ABTB1: variants seen among roughly 807,000 people sequenced by gnomAD.
ABTB1 encodes ankyrin repeat and BTB/POZ domain-containing protein 1.
Under a neutral mutation model 57.1 loss-of-function variants are expected in ABTB1, and 45 were observed. That is an observed-to-expected ratio of 0.79 (90% CI 0.62 to 1.01). The LOEUF is 1.01. Ranked by LOEUF, ABTB1 falls within the 50% of genes least tolerant of loss-of-function variation. The pLI is 0.00. For synonymous variants in ABTB1, 302 were observed against 275.4 expected, an observed-to-expected ratio of 1.10 and a Z score of -0.95; for missense variants, 630 against 666.3, an observed-to-expected ratio of 0.95 and a Z score of 0.60.
intron 3 of ABTB1, chr3:127,675,747 T>G (rs1296786722): frequency 3.3e-6 from 2 of 601,272 alleles, no homozygotes; most frequent in Non-Finnish European, 5.8e-6. Context: ...TTGTCTGTCT[T>G]CCGTGTGAGT....
chr3:127,675,859 A>G (rs769188733), intron 3 of ABTB1, 111 bp from the exon 4 acceptor site: 109 of 1,429,850 alleles, frequency 7.6e-5, no homozygotes, highest in Non-Finnish European at 9.2e-5. Flanking sequence ...TTGGGAAGGC[A>G]TCGCCAGAGA....
chr3:127,677,648 C>T, intron 9 of ABTB1, 28 bp from the exon 10 acceptor site: 1 of 1,612,330 alleles, frequency 6.2e-7, no homozygotes, highest in Non-Finnish European at 8.5e-7. Context: ...CCCTGGCCCT[C>T]ACACTTCCTG....
In ABTB1 at chr3:127,676,724, G is replaced by C. The variant is rs2074992099; in HGVS notation, c.526+143G>C. ...GTGGTTCCAGCTGCCTCTCGGGTTG[G>C]GTTGCAAGAGAGAGGACTAGTGTGC... On this transcript the variant is annotated intron_variant, in intron 6 of 11. Coordinates refer to ENST00000232744, the MANE Select transcript of ABTB1 (RefSeq NM_172027.3). This position sits in a 1 kb window ranked among gnomAD's most constrained non-coding sequence, Gnocchi z 5.4. 3.6e-6 allele frequency: 4 copies of C among 1,109,402 alleles called. No individual in the cohort carries two copies. Among genetic ancestry groups the C allele is most frequent in the Non-Finnish European group, 5.2e-6 (4 of 768,914 alleles). 68.7% of individuals were successfully genotyped at this position (1,109,402 alleles called of 1,614,324 possible).
rs572073537 is a variant in ABTB1 at position 127,680,622 on chromosome 3, A to G, written c.*147A>G. 4.4e-5 allele frequency: 45 copies of G among 1,021,100 alleles called. No individual in the cohort carries two copies. Among genetic ancestry groups the G allele is most frequent in the Middle Eastern group, 2.0e-4 (1 of 4,904 alleles). 63.3% of individuals were successfully genotyped at this position (1,021,100 alleles called of 1,614,324 possible). ...GCTCAGTGGGGCTTCTCTTCCCTCC[A>G]TGAGCCTGGAGACCCCAGGGGAGGA... is the stretch of plus-strand genomic sequence containing the variant. On this transcript the variant is annotated 3_prime_UTR_variant, in exon 12 of 12. Transcript: ENST00000232744.
chr3:127,677,153 G>T lies in ABTB1; in HGVS notation c.644-15G>T, dbSNP rs955349486. On this transcript the variant is annotated splice_polypyrimidine_tract_variant and intron_variant, in intron 7 of 11. Transcript: ENST00000232744. The stretch of plus-strand genomic sequence containing the variant: ...AGGGCTGGCCTGGCTCCCTGAAGTT[G>T]TTCTTCCCCTGTAGTGGCGTCTAAG... The T allele has an allele frequency of 1.2e-6, 2 of 1,613,414 alleles. No individual in the cohort carries two copies. The highest frequency in any genetic ancestry group is 2.2e-5 in the East Asian group (1 of 44,870).
Position 127,680,544 on chromosome 3 carries a change from C to A in ABTB1, c.*69C>A. ...ACAAGCATGTGTATGCGTTTGTGTG[C>A]AGCTCTTCTTCCTGCTCCCTGCACA... On this transcript the variant is annotated 3_prime_UTR_variant, in exon 12 of 12. Coordinates refer to ENST00000232744, the MANE Select transcript of ABTB1 (RefSeq NM_172027.3). The A allele has an allele frequency of 6.4e-7, 1 of 1,558,716 alleles. No homozygotes were observed. The highest frequency in any genetic ancestry group is 8.7e-7 in the Non-Finnish European group (1 of 1,144,828).
At position 127,676,538 on chromosome 3, in the gene ABTB1, C is replaced by G. The variant is rs530785014; in HGVS notation, c.483C>G (p.Ile161Met). The change falls in exon 6 of 12, where the codon ATC (isoleucine) becomes ATG (methionine). Residue 161 changes from isoleucine (I) to methionine (M), a missense_variant and splice_region_variant. By Grantham distance (10) the Ile-to-Met change is conservative (BLOSUM62 1). Coordinates refer to ENST00000232744, the MANE Select transcript of ABTB1 (RefSeq NM_172027.3). The surrounding 1 kb of genome is among the most constrained non-coding windows in gnomAD (Gnocchi z 5.4). ...KSVVVLRHPL[I>M]NPVAFGALLQ... ...ACTTTCTGGTTTTCTGCCCACAGATCAACCCCGTGGCCTTTGGGGCCCTGC... is the reference window on the plus strand; with the variant it reads ...ACTTTCTGGTTTTCTGCCCACAGATGAACCCCGTGGCCTTTGGGGCCCTGC... 2.5e-6 allele frequency: 4 copies of G among 1,614,038 alleles called. No homozygotes were observed. Among genetic ancestry groups the G allele is most frequent in the Non-Finnish European group, 3.4e-6 (4 of 1,180,022 alleles).
At position 127,677,251 on chromosome 3, in the gene ABTB1, C is replaced by G. The variant is rs1247594478; in HGVS notation, c.727C>G (p.Leu243Val). 1 of 1,596,470 alleles carries G rather than the reference C, an allele frequency of 6.3e-7. No individual in the cohort carries two copies. The highest frequency in any genetic ancestry group is 2.3e-5 in the East Asian group (1 of 44,196). Residue 243 changes from leucine (L) to valine (V), a missense_variant, in exon 8 of 12, where the codon CTG becomes GTG. Physicochemically the swap from Leu to Val is conservative, Grantham distance 32 (BLOSUM62 1). Coordinates refer to ENST00000232744, the MANE Select transcript of ABTB1 (RefSeq NM_172027.3). ...ADPRLREDMA[L>V]LADCALPPEL... ...CCCCCGCCTCCGGGAGGACATGGCG[C>G]TGCTGGCCGATTGTGCCCTGCCCCC...
chr3:127,678,107 T>C (rs965081686), intron 10 of ABTB1: 2 of 358,370 alleles, frequency 5.6e-6, no homozygotes, highest in South Asian at 7.0e-5. Flanking sequence ...TCAGCTTCTC[T>C]AGCAGGAGGG....
chr3:127,677,122 C>T lies in ABTB1; in HGVS notation c.643+39C>T, dbSNP rs760127511. The T allele has an allele frequency of 2.5e-6, 4 of 1,613,166 alleles. No individual in the cohort carries two copies. The African/African-American group carries it at 5.3e-5, about 22-fold the overall frequency. ...TTGGGGCCCGGGGCCATGGGTGCGG[C>T]CTGGCAGGGCTGGCCTGGCTCCCTG... is the stretch of plus-strand genomic sequence containing the variant. On this transcript the variant is annotated intron_variant, in intron 7 of 11. Coordinates refer to ENST00000232744, the MANE Select transcript of ABTB1 (RefSeq NM_172027.3).
Position 127,676,855 on chromosome 3 carries a change from C to T in ABTB1, c.527-112C>T. ...GGGAAACCATGGTGGCAAGTGGGCC[C>T]AGGAGTCCTAGTCCTGCAGCCAGGT... On this transcript the variant is annotated intron_variant, in intron 6 of 11. Coordinates refer to ENST00000232744, the MANE Select transcript of ABTB1 (RefSeq NM_172027.3). This position sits in a 1 kb window ranked among gnomAD's most constrained non-coding sequence, Gnocchi z 5.4. 2 of 1,097,106 alleles carry T rather than the reference C, an allele frequency of 1.8e-6. No homozygotes were observed. The highest frequency in any genetic ancestry group is 2.5e-5 in the East Asian group (1 of 40,004). 68.0% of individuals were successfully genotyped at this position (1,097,106 alleles called of 1,614,324 possible).
At chr3:127,673,201 C>G (rs2074889338) in intron 1 of ABTB1, 120 bp downstream of exon 1, 1 of 1,122,590 alleles carries the variant, frequency 8.9e-7, no homozygotes, top group Non-Finnish European at 1.2e-6. Flanking sequence ...GGTCACAGCC[C>G]TCGGAGCGCC....
At position 127,674,552 on chromosome 3, in the gene ABTB1, G is replaced by C; in HGVS notation, c.127G>C (p.Ala43Pro). 2 of 1,614,156 alleles carry C rather than the reference G, an allele frequency of 1.2e-6. No individual in the cohort carries two copies. Among genetic ancestry groups the C allele is most frequent in the Middle Eastern group, 1.7e-4 (1 of 6,060 alleles). ...CTTCCTTCCTCCCTTCAGGTACTAT[G>C]CCTGCTTGTGTGGGCACGAGGAGCT... ...DKWDSTPLYY[A>P]CLCGHEELVL... The change falls in exon 3 of 12, where the codon GCC (alanine) becomes CCC (proline). Residue 43 changes from alanine to proline, a missense_variant. Physicochemically the swap from Ala to Pro is conservative, Grantham distance 27 (BLOSUM62 -1). Coordinates refer to ENST00000232744, the MANE Select transcript of ABTB1 (RefSeq NM_172027.3).
chr3:127,674,407 C>T lies in ABTB1; in HGVS notation c.73C>T (p.Arg25Ter), dbSNP rs762149389. 2.5e-6 allele frequency: 4 copies of T among 1,595,634 alleles called. No individual in the cohort carries two copies. Among genetic ancestry groups the T allele is most frequent in the East Asian group, 2.3e-5 (1 of 43,720 alleles). Residue 25 changes from arginine to a stop codon, truncating the protein, a stop_gained, in exon 2 of 12, where the codon CGA (arginine) becomes TGA (stop). Transcript: ENST00000232744. LOFTEE classifies it high-confidence loss of function. ...VGRVRYLLEQRDVEVNVRDKW... is the reference protein window; with the variant it reads ...VGRVRYLLEQ The stretch of plus-strand genomic sequence containing the variant: ...CCTGCCCAGGTACCTGCTGGAGCAG[C>T]GAGACGTGGAGGTGAATGTGCGGGA...
At chr3:127,674,637 G>A (rs769712238) in intron 3 of ABTB1, 37 bp downstream of exon 3, 1 of 1,612,610 alleles carries the variant, frequency 6.2e-7, no homozygotes, top group Non-Finnish European at 8.5e-7. Flanking sequence ...GTGTGCGTGG[G>A]TGCATGCATG....
chr3:127,679,624 C>A (rs1287086555), intron 10 of ABTB1: 3 of 489,738 alleles, frequency 6.1e-6, no homozygotes, highest in Non-Finnish European at 1.2e-5. Context: ...GAACTAGAGG[C>A]ACAGGGAGGT....
chr3:127,674,077 T>C, intron 1 of ABTB1: 1 of 417,398 alleles, frequency 2.4e-6, no homozygotes, highest in African/African-American at 2.0e-5. Flanking sequence ...GAGTGAAGGC[T>C]CCATCACCTC....
chr3:127,677,538 C>A lies in ABTB1; in HGVS notation c.836C>A (p.Ala279Asp). Residue 279 changes from alanine to aspartate, a missense_variant, in exon 9 of 12, where the codon GCT (alanine) becomes GAT (aspartate). Ala to Asp is a moderately radical substitution (Grantham distance 126, BLOSUM62 -2). Transcript: ENST00000232744. Reference sequence around the variant, plus strand: ...TGCCCTGACATCTGCTTCCGAGTGGCTGGCTGCAGCTTCCTCTGCCACAAG... The same window carrying A: ...TGCCCTGACATCTGCTTCCGAGTGGATGGCTGCAGCTTCCTCTGCCACAAG... ...NSCPDICFRVAGCSFLCHKAF... is the reference protein window; with the variant it reads ...NSCPDICFRVDGCSFLCHKAF... 6.2e-7 allele frequency: 1 copy of A among 1,613,998 alleles called. No homozygotes were observed. The highest frequency in any genetic ancestry group is 1.7e-5 in the Admixed American group (1 of 60,028).
chr3:127,674,169 A>C (rs1170939248), intron 1 of ABTB1: 20 of 587,368 alleles, frequency 3.4e-5, no homozygotes, highest in Non-Finnish European at 1.5e-5. Flanking sequence ...GTCCCCCAGC[A>C]CTGATAGCAC....
Sources: gnomAD v4.1 joint callset for allele counts on GRCh38, gnomAD v4.1.1 for gene constraint, Gnocchi (gnomAD v3.1) non-coding constraint, MANE v1.5 for transcripts, NCBI Gene and HGNC (gene_info 2026-07-23, HGNC 2026-07-21) for gene names.